CNTNAP5: variants seen among roughly 807,000 people sequenced by gnomAD.
CNTNAP5 encodes the protein contactin-associated protein-like 5.
Under a neutral mutation model 150.2 loss-of-function variants are expected in CNTNAP5, and 72 were observed. That is an observed-to-expected ratio of 0.48 (90% CI 0.40 to 0.58). The LOEUF (loss-of-function observed/expected upper bound fraction) is 0.58, where lower values mean the gene tolerates loss of function less well. Among genes scored for constraint, CNTNAP5 ranks in the 20% least tolerant of loss-of-function variants. The pLI, the probability that CNTNAP5 is intolerant of heterozygous loss-of-function variation, is 0.00. For synonymous variants in CNTNAP5, 672 were observed against 619.8 expected (o/e 1.08, Z -1.25); for missense variants, 1,636 against 1,626.2 (o/e 1.01, Z -0.10).
chr2:124,836,333 T>C (rs1359660660), intron 19 of CNTNAP5, among the ~76,000 whole-genome samples: 1 of 152,182 alleles, frequency 6.6e-6, no homozygotes, highest in Admixed American at 6.6e-5. Flanking sequence ...AGGACAGATA[T>C]TGATATCATA....
At chr2:124,339,861 T>C (rs4848929) in intron 3 of CNTNAP5, among the ~76,000 whole-genome samples, 58,260 of 151,802 alleles carry the variant, frequency 0.38, 11,357 homozygotes, top group African/African-American at 0.41. Context: ...GTGGTTTTCT[T>C]CCCCTGAGTC....
chr2:124,284,253 G>T lies in CNTNAP5; in HGVS notation c.381+41860G>T, dbSNP rs74481605. Among the ~76,000 whole-genome samples, 1,370 of 152,224 alleles carry T rather than the reference G, an allele frequency of 9.0e-3. 21 individuals are homozygous for T. The highest frequency in any genetic ancestry group is 0.031 in the African/African-American group (1,280 of 41,528). ...AATAGTTCCAAAAGGAGGAATGGTG[G>T]TTTTTCAAATATAAAACAAGTCTTT... On this transcript the variant is annotated intron_variant, in intron 3 of 23. Coordinates refer to ENST00000682447, the MANE Select transcript of CNTNAP5 (RefSeq NM_001367498.1).
At chr2:124,714,580 G>T (rs1409128236) in intron 13 of CNTNAP5, among the ~76,000 whole-genome samples, 2 of 152,048 alleles carry the variant, frequency 1.3e-5, no homozygotes, top group African/African-American at 4.8e-5. Context: ...GAAAGCCTTT[G>T]TCTGTTCAGA....
intron 19 of CNTNAP5, among the ~76,000 whole-genome samples, chr2:124,841,189 C>T (rs1026471313): frequency 3.9e-5 from 6 of 151,952 alleles, no homozygotes; most frequent in African/African-American, 7.2e-5. Context: ...TTTGAAATTA[C>T]CCCCATAAAT....
chr2:124,798,026 G>A, intron 18 of CNTNAP5, 70 bp from the exon 19 acceptor site: 2 of 1,163,228 alleles, frequency 1.7e-6, no homozygotes, highest in Non-Finnish European at 2.5e-6. Context: ...AAACGAGAAA[G>A]CAGCTAAGGT....
intron 3 of CNTNAP5, among the ~76,000 whole-genome samples, chr2:124,416,549 G>C (rs554624103): frequency 2.6e-5 from 4 of 152,090 alleles, no homozygotes; most frequent in Non-Finnish European, 5.9e-5. Context: ...GAGTTGCATT[G>C]TCTCCCTCCT....
intron 7 of CNTNAP5, among the ~76,000 whole-genome samples, chr2:124,497,731 C>CA (rs1694184433): frequency 2.0e-5 from 3 of 152,146 alleles, no homozygotes; most frequent in African/African-American, 7.2e-5. Context: ...TACGAGAGTC[C>CA]AGGTTTAGGA....
intron 10 of CNTNAP5, among the ~76,000 whole-genome samples, chr2:124,537,414 C>T (rs1364505699): frequency 1.3e-5 from 2 of 152,178 alleles, no homozygotes; most frequent in Non-Finnish European, 2.9e-5. Flanking sequence ...GTTATCATCC[C>T]TATCCTCGCA....
intron 1 of CNTNAP5, among the ~76,000 whole-genome samples, chr2:124,154,454 TACA>T (rs1450293554): frequency 6.6e-6 from 1 of 152,076 alleles, no homozygotes; most frequent in African/African-American, 2.4e-5. Context: ...AGGGCCAGTG[TACA>T]ACACCTCACA....
At chr2:124,138,879 T>C (rs1684038820) in intron 1 of CNTNAP5, among the ~76,000 whole-genome samples, 1 of 151,850 alleles carries the variant, frequency 6.6e-6, no homozygotes, top group African/African-American at 2.4e-5. Flanking sequence ...GATTTACTTA[T>C]AATTCTAGAA....
At chr2:124,411,563 G>C (rs1182032191) in intron 3 of CNTNAP5, among the ~76,000 whole-genome samples, 2 of 143,462 alleles carry the variant, frequency 1.4e-5, no homozygotes, top group Admixed American at 7.0e-5. Flanking sequence ...GGGATGCAAG[G>C]CTGGTTCAAT....
Position 124,914,822 on chromosome 2 carries a change from C to T in CNTNAP5, c.*534C>T, listed in dbSNP as rs1256681530. 2 of 152,274 alleles carry T rather than the reference C, an allele frequency of 1.3e-5. No individual in the cohort carries two copies. The highest frequency in any genetic ancestry group is 4.8e-5 in the African/African-American group (2 of 41,398). 9.4% of individuals were successfully genotyped at this position (152,274 alleles called of 1,614,324 possible). ...GGTTTGTGGTGGTTTGCTTTCTTTACCATAAGCAATCCCTTGCCTTAACTC... is the reference window on the plus strand; with the variant it reads ...GGTTTGTGGTGGTTTGCTTTCTTTATCATAAGCAATCCCTTGCCTTAACTC... On this transcript the variant is annotated 3_prime_UTR_variant, in exon 24 of 24. Coordinates refer to ENST00000682447, the MANE Select transcript of CNTNAP5 (RefSeq NM_001367498.1).
intron 3 of CNTNAP5, among the ~76,000 whole-genome samples, chr2:124,393,876 T>C (rs1691179533): frequency 6.6e-6 from 1 of 152,206 alleles, no homozygotes; most frequent in Non-Finnish European, 1.5e-5. Context: ...GCAAAGTAAA[T>C]TGCAATTCTT....
Position 124,441,931 on chromosome 2 carries a change from A to G in CNTNAP5, c.734-4822A>G, listed in dbSNP as rs544712913. ...GAGCAATGCTAATCCACTTTTGAGG[A>G]AAGGTCAACAAATTGCTTTAAGTAT... is the stretch of plus-strand genomic sequence containing the variant. On this transcript the variant is annotated intron_variant, in intron 5 of 23. Transcript: ENST00000682447. Among the ~76,000 whole-genome samples, 5 of 147,956 alleles carry G rather than the reference A, an allele frequency of 3.4e-5. No individual in the cohort carries two copies. The East Asian group carries it at 9.7e-4, about 29-fold the overall frequency.
rs138231564 is a variant in CNTNAP5, at chr2:124,479,360, C to T, written c.1062+4478C>T. Among the ~76,000 whole-genome samples, 726 of 152,226 alleles carry T rather than the reference C, an allele frequency of 4.8e-3. 7 individuals carry two copies. The highest frequency in any genetic ancestry group is 0.016 in the African/African-American group (684 of 41,548). On this transcript the variant is annotated intron_variant, in intron 7 of 23. Transcript: ENST00000682447. ...CTTTCTGAGTCTTCTATCTCTTCTC[C>T]CAGAGGCAAGGAGCATAACATGATT...
chr2:124,693,840 C>CAAAA, intron 13 of CNTNAP5, among the ~76,000 whole-genome samples: 1 of 121,746 alleles, frequency 8.2e-6, no homozygotes, highest in East Asian at 2.7e-4. Flanking sequence ...AAAAAAAAGG[C>CAAAA]AAAAAAAAAA....
At chr2:124,091,859 CT>C (rs1215162768) in intron 1 of CNTNAP5, among the ~76,000 whole-genome samples, 7 of 152,192 alleles carry the variant, frequency 4.6e-5, no homozygotes, top group Non-Finnish European at 1.0e-4. Flanking sequence ...CAGATGGCTT[CT>C]GCTGAGCCAG....
chr2:124,769,108 T>C (rs759499481), intron 16 of CNTNAP5, among the ~76,000 whole-genome samples: 41 of 152,138 alleles, frequency 2.7e-4, no homozygotes, highest in African/African-American at 9.4e-4. Flanking sequence ...TGGAGTGTGG[T>C]TCCGTCTTCA....
chr2:124,218,967 T>C (rs1362036598), intron 1 of CNTNAP5, among the ~76,000 whole-genome samples: 1 of 152,194 alleles, frequency 6.6e-6, no homozygotes, highest in Admixed American at 6.6e-5. Flanking sequence ...ATTGCCTCTC[T>C]GAGAATATGC....
Sources: gnomAD v4.1 joint callset for allele counts (sites outside exome capture counted in the v4.1 genomes callset) on GRCh38, gnomAD v4.1.1 for gene constraint, MANE v1.5 for transcripts, NCBI Gene and HGNC (gene_info 2026-07-23, HGNC 2026-07-21) for gene names.